PIK3CA: variants seen among roughly 807,000 people sequenced by gnomAD.
PIK3CA encodes phosphatidylinositol-4,5-bisphosphate 3-kinase catalytic subunit alpha, also known as phosphatidylinositol 4,5-bisphosphate 3-kinase catalytic subunit alpha isoform.
Under a neutral mutation model 138.2 loss-of-function variants are expected in PIK3CA, and 27 were observed. That is an observed-to-expected ratio of 0.20 (90% CI 0.14 to 0.27). The LOEUF is 0.27. Among genes scored for constraint, PIK3CA ranks in the 10% least tolerant of loss-of-function variants. The pLI is 1.00. For synonymous variants in PIK3CA, 358 were observed against 413.2 expected (o/e 0.87, Z 1.62); for missense variants, 544 against 1,277.4 (o/e 0.43, Z 8.75).
intron 4 of PIK3CA, among the ~76,000 whole-genome samples, chr3:179,202,456 G>A (rs556160980): frequency 3.1e-4 from 47 of 152,172 alleles, no homozygotes; most frequent in Admixed American, 6.5e-4. Flanking sequence ...CTACTGTTAA[G>A]ATATACTATT....
chr3:179,192,743 A>G (rs1300039844), intron 1 of PIK3CA, among the ~76,000 whole-genome samples: 2 of 147,554 alleles, frequency 1.4e-5, no homozygotes, highest in African/African-American at 5.2e-5. Context: ...CTGTGTTCCA[A>G]TAAAACTTTA....
intron 1 of PIK3CA, among the ~76,000 whole-genome samples, chr3:179,170,068 GCGCGCGCGCACA>G (rs1723516892): frequency 4.1e-5 from 2 of 48,714 alleles, no homozygotes; most frequent in African/African-American, 8.3e-5. Flanking sequence ...GCGTGCACAC[GCGCGCGCGCACA>G]CACACACACA....
intron 1 of PIK3CA, among the ~76,000 whole-genome samples, chr3:179,181,591 T>C (rs1723847801): frequency 6.6e-6 from 1 of 152,208 alleles, no homozygotes; most frequent in Admixed American, 6.5e-5. Flanking sequence ...CCCATAATTT[T>C]ATTTTTTTAA....
At chr3:179,173,015 T>C (rs1723598546) in intron 1 of PIK3CA, among the ~76,000 whole-genome samples, 1 of 152,162 alleles carries the variant, frequency 6.6e-6, no homozygotes, top group South Asian at 2.1e-4. Context: ...ATTCTTAATA[T>C]AGTAATATTT....
chr3:179,189,212 T>C (rs1319759903), intron 1 of PIK3CA, among the ~76,000 whole-genome samples: 1 of 151,546 alleles, frequency 6.6e-6, no homozygotes, highest in South Asian at 2.1e-4. Context: ...AGACTCCATC[T>C]CAAAAAAAAA....
Position 179,235,731 on chromosome 3 carries a change from C to T in PIK3CA, c.*1367C>T, listed in dbSNP as rs926376728. On this transcript the variant is annotated 3_prime_UTR_variant, in exon 21 of 21. Transcript: ENST00000263967. ...CTTTTTACCTTTTTAAACTATTTATCCATATCTCCAAAGTAGAACATTAAA... is the reference window on the plus strand; with the variant it reads ...CTTTTTACCTTTTTAAACTATTTATTCATATCTCCAAAGTAGAACATTAAA... The T allele has an allele frequency of 1.4e-5, 3 of 208,058 alleles. No homozygotes were observed. Among genetic ancestry groups the T allele is most frequent in the African/African-American group, 2.3e-5 (1 of 44,020 alleles). The allele number at this position is 208,058 out of a possible 1,614,324, so 12.9% of individuals were successfully genotyped here.
At chr3:179,153,506 T>C (rs1723062027) in intron 1 of PIK3CA, among the ~76,000 whole-genome samples, 1 of 152,194 alleles carries the variant, frequency 6.6e-6, no homozygotes, top group Admixed American at 6.5e-5. Flanking sequence ...ATATAATTAT[T>C]TAAAATACTG....
intron 1 of PIK3CA, among the ~76,000 whole-genome samples, chr3:179,155,971 CA>C (rs1379372199): frequency 1.3e-5 from 2 of 152,300 alleles, no homozygotes; most frequent in East Asian, 3.9e-4. Context: ...CTTGTTTCTT[CA>C]CCTGCAAAAT....
intron 1 of PIK3CA, among the ~76,000 whole-genome samples, chr3:179,170,074 G>GCACACA (rs1553815553): frequency 5.8e-5 from 7 of 119,890 alleles, no homozygotes; most frequent in African/African-American, 1.6e-4. Flanking sequence ...ACACGCGCGC[G>GCACACA]CGCACACACA....
At position 179,220,878 on chromosome 3, in the gene PIK3CA, A is replaced by T; in HGVS notation, c.2016-108A>T. On this transcript the variant is annotated intron_variant, in intron 13 of 20. Coordinates refer to ENST00000263967, the MANE Select transcript of PIK3CA (RefSeq NM_006218.4). This position sits in a 1 kb window ranked among gnomAD's most constrained non-coding sequence, Gnocchi z 4.1. ...TAATTTTATTATTAGTATGATTGTAACATTTATTGGATTTCAAAAATGAGT... is the reference window on the plus strand; with the variant it reads ...TAATTTTATTATTAGTATGATTGTATCATTTATTGGATTTCAAAAATGAGT... 1.8e-6 allele frequency: 1 copy of T among 560,962 alleles called. No homozygotes were observed. Among genetic ancestry groups the T allele is most frequent in the Non-Finnish European group, 2.9e-6 (1 of 348,482 alleles). The allele number at this position is 560,962 out of a possible 1,614,324, so 34.7% of individuals were successfully genotyped here.
intron 18 of PIK3CA, 116 bp from the exon 19 acceptor site, chr3:179,229,888 C>T (rs1725173514): frequency 6.3e-6 from 4 of 631,174 alleles, no homozygotes; most frequent in Non-Finnish European, 5.4e-6. Context: ...TTTCCTTATT[C>T]GTTGTCAGTG....
chr3:179,228,406 A>G lies in PIK3CA; in HGVS notation c.2496-866A>G, dbSNP rs144055341. ...AGACAAATTGATTTTAATGTAACTG[A>G]GTATGAAAAGTTTATTGATACAGTT... On this transcript the variant is annotated intron_variant, in intron 17 of 20. Coordinates refer to ENST00000263967, the MANE Select transcript of PIK3CA (RefSeq NM_006218.4). Among the ~76,000 whole-genome samples, 418 of 152,210 alleles carry G rather than the reference A, an allele frequency of 2.7e-3. 5 individuals are homozygous for G. Among genetic ancestry groups the G allele is most frequent in the African/African-American group, 9.4e-3 (392 of 41,566 alleles).
intron 18 of PIK3CA, 61 bp downstream of exon 18, chr3:179,229,503 G>T (rs1725163769): frequency 7.7e-6 from 10 of 1,303,058 alleles, no homozygotes; most frequent in Non-Finnish European, 1.1e-5. Context: ...GAGTCTGTCG[G>T]TGTTTGTGTA....
At chr3:179,170,057 C>T (rs573534837) in intron 1 of PIK3CA, among the ~76,000 whole-genome samples, 4 of 102,138 alleles carry the variant, frequency 3.9e-5, no homozygotes, top group African/African-American at 9.1e-5. Context: ...CATGCACATG[C>T]GCGTGCACAC....
chr3:179,180,543 A>T (rs1402275259), intron 1 of PIK3CA, among the ~76,000 whole-genome samples: 2 of 151,890 alleles, frequency 1.3e-5, no homozygotes, highest in South Asian at 4.2e-4. Context: ...TCTAATAGTG[A>T]TAGAGAAGAT....
At chr3:179,199,569 G>A (rs1249358715) in intron 2 of PIK3CA, 121 bp from the exon 3 acceptor site, 2 of 649,962 alleles carry the variant, frequency 3.1e-6, no homozygotes, top group South Asian at 2.7e-5. Flanking sequence ...TTTTAACCTA[G>A]CGGTACTTTT....
intron 4 of PIK3CA, 41 bp downstream of exon 4, chr3:179,201,581 AG>A (rs1468097721): frequency 1.5e-6 from 2 of 1,355,160 alleles, no homozygotes; most frequent in East Asian, 4.9e-5. Flanking sequence ...TAATTTAAAA[AG>A]TAATCACATT....
chr3:179,168,956 T>C (rs1479738109), intron 1 of PIK3CA: 2 of 152,164 alleles, frequency 1.3e-5, no homozygotes, highest in Admixed American at 6.5e-5. Flanking sequence ...TATCTTACCA[T>C]TGTGATTATT....
intron 4 of PIK3CA, among the ~76,000 whole-genome samples, chr3:179,202,680 C>T (rs1724446277): frequency 6.6e-6 from 1 of 152,118 alleles, no homozygotes; most frequent in Non-Finnish European, 1.5e-5. Flanking sequence ...ACTACCATTT[C>T]AAAATTCAGA....
Sources: gnomAD v4.1 joint callset for allele counts (sites outside exome capture counted in the v4.1 genomes callset) on GRCh38, gnomAD v4.1.1 for gene constraint, Gnocchi (gnomAD v3.1) non-coding constraint, MANE v1.5 for transcripts, NCBI Gene and HGNC (gene_info 2026-07-23, HGNC 2026-07-21) for gene names.